The following AMD1 variants were observed in gnomAD, a reference collection of about 807,000 sequenced individuals.
AMD1 encodes the protein S-adenosylmethionine decarboxylase proenzyme.
A neutral mutation model predicts 40.2 loss-of-function variants in AMD1; 11 were observed. The ratio of observed to expected loss-of-function variants is 0.27; its 90% CI spans 0.17 to 0.45. AMD1 has a LOEUF of 0.45. Ranked by LOEUF, AMD1 falls within the 20% of genes least tolerant of loss-of-function variation. The pLI is 1.00. For missense variants in AMD1, 257 were observed against 410.2 expected (o/e 0.63, Z 3.23); for synonymous variants, 121 against 130.8 (o/e 0.93, Z 0.51).
chr6:110,884,901 A>C (rs145493435), intron 1 of AMD1, among the ~76,000 whole-genome samples: 305 of 152,320 alleles, frequency 2.0e-3, no homozygotes, highest in African/African-American at 6.8e-3. Flanking sequence ...GTGGGAAGTC[A>C]GTAGGTGATG....
the AMD1 span, among the ~76,000 whole-genome samples, chr6:110,817,323 C>T: frequency 6.6e-6 from 1 of 152,202 alleles, no homozygotes; most frequent in Non-Finnish European, 1.5e-5. Flanking sequence ...CCTTGAGTCT[C>T]TTCAGGCTGG....
At chr6:110,821,833 A>G in the AMD1 span, among the ~76,000 whole-genome samples, 2 of 152,204 alleles carry the variant, frequency 1.3e-5, no homozygotes, top group African/African-American at 4.8e-5. Context: ...CTGAGAGGAA[A>G]GTTTTTAGTG....
the AMD1 span, among the ~76,000 whole-genome samples, chr6:110,824,290 G>T: frequency 4.6e-5 from 7 of 152,150 alleles, no homozygotes; most frequent in African/African-American, 1.7e-4. Context: ...TGGGGCTGGA[G>T]GCCATTATTC....
chr6:110,861,518 C>T, the AMD1 span, among the ~76,000 whole-genome samples: 3 of 147,474 alleles, frequency 2.0e-5, no homozygotes, highest in Admixed American at 1.4e-4. Context: ...AGTGAGACTC[C>T]ATCTCAAAAA....
chr6:110,830,302 C>A, the AMD1 span, among the ~76,000 whole-genome samples: 1 of 152,140 alleles, frequency 6.6e-6, no homozygotes, highest in African/African-American at 2.4e-5. Flanking sequence ...GCATGAGCCA[C>A]CGTGCCCGGC....
the AMD1 span, among the ~76,000 whole-genome samples, chr6:110,830,680 T>C: frequency 6.6e-6 from 1 of 152,236 alleles, no homozygotes; most frequent in African/African-American, 2.4e-5. Context: ...GCTGCTGCTA[T>C]ACACTACCGC....
chr6:110,844,265 C>CTT, the AMD1 span, among the ~76,000 whole-genome samples: 79 of 143,754 alleles, frequency 5.5e-4, no homozygotes, highest in Non-Finnish European at 6.6e-4. Context: ...GAATTATAAT[C>CTT]TTTTTTTTTT....
intron 1 of AMD1, among the ~76,000 whole-genome samples, chr6:110,886,096 A>G (rs557788029): frequency 6.6e-6 from 1 of 152,110 alleles, no homozygotes; most frequent in East Asian, 1.9e-4. Flanking sequence ...CGCCACTAAA[A>G]ATACAAAAAT....
chr6:110,889,258 A>G (rs909313769), intron 3 of AMD1: 2 of 215,890 alleles, frequency 9.3e-6, no homozygotes, highest in Non-Finnish European at 1.8e-5. Context: ...ACTTATAATA[A>G]TAGAGAAATG....
the AMD1 span, among the ~76,000 whole-genome samples, chr6:110,852,936 C>T: frequency 1.3e-5 from 2 of 149,558 alleles, no homozygotes; most frequent in East Asian, 3.9e-4. Flanking sequence ...GCAGCCATAT[C>T]AGTCTTTCCC....
the AMD1 span, among the ~76,000 whole-genome samples, chr6:110,861,166 G>A: frequency 6.6e-6 from 1 of 152,068 alleles, no homozygotes; most frequent in East Asian, 1.9e-4. Flanking sequence ...AGACCATCCT[G>A]GCTAACATGG....
At chr6:110,891,426 C>A (rs1583223239) in intron 4 of AMD1, 1 of 152,168 alleles carries the variant, frequency 6.6e-6, no homozygotes, top group South Asian at 2.1e-4. Flanking sequence ...TTTAAAATTG[C>A]ACAGTGTAAA....
the AMD1 span, among the ~76,000 whole-genome samples, chr6:110,845,652 A>C: frequency 6.6e-6 from 1 of 152,184 alleles, no homozygotes; most frequent in African/African-American, 2.4e-5. Flanking sequence ...TCTTGGACTT[A>C]TACCAGCGAT....
chr6:110,836,469 A>T, the AMD1 span, among the ~76,000 whole-genome samples: 1 of 152,214 alleles, frequency 6.6e-6, no homozygotes, highest in Non-Finnish European at 1.5e-5. Context: ...GTATATAGAT[A>T]ACAGAGTCAC....
At chr6:110,858,578 A>G in the AMD1 span, 300 of 1,597,002 alleles carry the variant, frequency 1.9e-4, no homozygotes, top group Non-Finnish European at 2.4e-4. Context: ...CCTGTTTGAG[A>G]GTGGGAACAT....
At chr6:110,855,413 T>C in the AMD1 span, among the ~76,000 whole-genome samples, 1 of 152,294 alleles carries the variant, frequency 6.6e-6, no homozygotes, top group Non-Finnish European at 1.5e-5. Context: ...AAAATTTGCT[T>C]ACAAATTATA....
chr6:110,881,092 A>C (rs190642045), intron 1 of AMD1, among the ~76,000 whole-genome samples: 103 of 152,334 alleles, frequency 6.8e-4, no homozygotes, highest in African/African-American at 2.3e-3. Flanking sequence ...TTTCAGACAT[A>C]CAATTTGTGT....
the AMD1 span, chr6:110,858,272 T>C: frequency 1.0e-6 from 1 of 958,850 alleles, no homozygotes; most frequent in Non-Finnish European, 1.6e-6. Context: ...GGACCCCTCG[T>C]ACGGGCTGTC....
chr6:110,839,063 G>C, the AMD1 span, among the ~76,000 whole-genome samples: 1 of 152,148 alleles, frequency 6.6e-6, no homozygotes, highest in African/African-American at 2.4e-5. Context: ...CACCGCGCCT[G>C]GCCCCTAACT....
Sources: gnomAD v4.1 joint callset for allele counts (sites outside exome capture counted in the v4.1 genomes callset) on GRCh38, gnomAD v4.1.1 for gene constraint, MANE v1.5 for transcripts, NCBI Gene and HGNC (gene_info 2026-07-23, HGNC 2026-07-21) for gene names.